BBX: variants seen among roughly 807,000 people sequenced by gnomAD.
BBX encodes the protein BBX high mobility group box domain containing.
In BBX, 30 loss-of-function variants were observed where a neutral mutation model predicts 100.2. The observed-to-expected ratio is 0.30, with a 90% CI of 0.22 to 0.41. BBX has a LOEUF of 0.41. Ranked by LOEUF, BBX falls within the 10% of genes least tolerant of loss-of-function variation. The pLI is 1.00. For synonymous variants in BBX, 376 were observed against 388.1 expected (o/e 0.97, Z 0.37); for missense variants, 1,023 against 1,129.8 (o/e 0.91, Z 1.35).
chr3:107,692,690 T>C, intron 3 of BBX, among the ~76,000 whole-genome samples: 1 of 150,518 alleles, frequency 6.6e-6, no homozygotes, highest in African/African-American at 2.4e-5. Context: ...CAGCATGATT[T>C]ATAATCCTTT....
intron 3 of BBX, among the ~76,000 whole-genome samples, chr3:107,691,824 T>C (rs1227499931): frequency 6.6e-6 from 1 of 152,216 alleles, no homozygotes; most frequent in African/African-American, 2.4e-5. Context: ...AATTCTAGTG[T>C]ACCAAAGTGA....
intron 5 of BBX, among the ~76,000 whole-genome samples, chr3:107,723,783 G>A (rs183489661): frequency 2.6e-5 from 4 of 152,058 alleles, no homozygotes; most frequent in African/African-American, 9.7e-5. Flanking sequence ...GTGTATATGT[G>A]CCACATTTTC....
intron 2 of BBX, among the ~76,000 whole-genome samples, chr3:107,559,706 A>G (rs996497387): frequency 1.3e-5 from 2 of 152,200 alleles, no homozygotes; most frequent in African/African-American, 4.8e-5. Flanking sequence ...CAAGGATGGA[A>G]ATAGTAAGAG....
chr3:107,703,474 AGAGATCT>A (rs1188630609), intron 3 of BBX, among the ~76,000 whole-genome samples: 2 of 152,216 alleles, frequency 1.3e-5, no homozygotes, highest in Non-Finnish European at 2.9e-5. Flanking sequence ...TGCAGGTATT[AGAGATCT>A]TAAAACTACA....
At chr3:107,634,280 C>A (rs938247628) in intron 2 of BBX, among the ~76,000 whole-genome samples, 1 of 152,186 alleles carries the variant, frequency 6.6e-6, no homozygotes, top group Non-Finnish European at 1.5e-5. Context: ...AGTTCTCATG[C>A]TAGAACTTCA....
intron 2 of BBX, among the ~76,000 whole-genome samples, chr3:107,542,592 A>C (rs983186710): frequency 2.0e-5 from 3 of 152,250 alleles, no homozygotes; most frequent in African/African-American, 7.2e-5. Flanking sequence ...GTTTTTAAGC[A>C]GTGATGTAAA....
At chr3:107,611,897 C>T (rs1374304114) in intron 2 of BBX, among the ~76,000 whole-genome samples, 3 of 151,918 alleles carry the variant, frequency 2.0e-5, no homozygotes, top group Non-Finnish European at 4.4e-5. Context: ...CAGATCTTGC[C>T]AGCATGCTTT....
chr3:107,644,095 C>T (rs900191833), intron 2 of BBX, among the ~76,000 whole-genome samples: 8 of 152,072 alleles, frequency 5.3e-5, no homozygotes, highest in African/African-American at 1.7e-4. Flanking sequence ...GTTATCAAGA[C>T]AAAGTGCAAT....
intron 3 of BBX, among the ~76,000 whole-genome samples, chr3:107,649,185 C>T (rs748670216): frequency 3.3e-4 from 51 of 152,246 alleles, no homozygotes; most frequent in Admixed American, 5.9e-4. Context: ...GAAGCAAACC[C>T]ACCCCCATGA....
At chr3:107,529,956 A>G (rs564611368) in intron 2 of BBX, among the ~76,000 whole-genome samples, 31 of 152,336 alleles carry the variant, frequency 2.0e-4, no homozygotes, top group African/African-American at 7.2e-4. Flanking sequence ...TGAGAGAATG[A>G]AAGACTTAAA....
At chr3:107,525,175 G>A (rs1168412304) in intron 1 of BBX, among the ~76,000 whole-genome samples, 2 of 149,268 alleles carry the variant, frequency 1.3e-5, no homozygotes, top group Non-Finnish European at 3.0e-5. Flanking sequence ...TCCCCGCGCG[G>A]CCACCCCGGG....
chr3:107,639,121 T>C (rs913578447), intron 2 of BBX, among the ~76,000 whole-genome samples: 2 of 152,218 alleles, frequency 1.3e-5, no homozygotes, highest in Admixed American at 6.5e-5. Flanking sequence ...TTTAAAATTA[T>C]GTAAATTGAT....
At chr3:107,577,886 T>C (rs2051923393) in intron 2 of BBX, among the ~76,000 whole-genome samples, 1 of 152,080 alleles carries the variant, frequency 6.6e-6, no homozygotes, top group South Asian at 2.1e-4. Context: ...AGGGCTATAT[T>C]AGAAGTACTG....
intron 2 of BBX, among the ~76,000 whole-genome samples, chr3:107,527,129 G>T (rs1388570001): frequency 6.6e-6 from 1 of 152,176 alleles, no homozygotes; most frequent in Non-Finnish European, 1.5e-5. Flanking sequence ...TTTGTGAGAG[G>T]TAACAGTGTG....
At position 107,702,525 on chromosome 3, in the gene BBX, G is replaced by A. The variant is rs183145573; in HGVS notation, c.-9-7927G>A. Among the ~76,000 whole-genome samples the A allele has an allele frequency of 2.5e-4, 38 of 152,252 alleles. 1 individual carries two copies. Among genetic ancestry groups the A allele is most frequent in the Admixed American group, 2.3e-3 (35 of 15,294 alleles). ...GAAAACAGAGAAGTATTGTTTCTAT[G>A]TTCAATTCTCCACATATTCACTGAA... On this transcript the variant is annotated intron_variant, in intron 3 of 17. Transcript: ENST00000325805.
chr3:107,783,094 C>T (rs1417056893), intron 13 of BBX, among the ~76,000 whole-genome samples: 1 of 152,044 alleles, frequency 6.6e-6, no homozygotes, highest in African/African-American at 2.4e-5. Context: ...CTATTTATTA[C>T]AGATTTTGAC....
chr3:107,678,086 T>A (rs889164737), intron 3 of BBX, among the ~76,000 whole-genome samples: 1 of 152,290 alleles, frequency 6.6e-6, no homozygotes, highest in East Asian at 1.9e-4. Context: ...TGTATTTTTT[T>A]AAAGGAATCA....
chr3:107,657,400 C>T (rs1481590043), intron 3 of BBX, among the ~76,000 whole-genome samples: 1 of 152,102 alleles, frequency 6.6e-6, no homozygotes, highest in East Asian at 1.9e-4. Flanking sequence ...ACTATTTAGC[C>T]TCTGTTTTGT....
At chr3:107,628,280 C>T (rs989667775) in intron 2 of BBX, among the ~76,000 whole-genome samples, 2 of 151,500 alleles carry the variant, frequency 1.3e-5, no homozygotes, top group Admixed American at 6.6e-5. Context: ...AGTAGAATTG[C>T]TAATAAGTAA....
Sources: gnomAD v4.1 joint callset for allele counts (sites outside exome capture counted in the v4.1 genomes callset) on GRCh38, gnomAD v4.1.1 for gene constraint, MANE v1.5 for transcripts, NCBI Gene and HGNC (gene_info 2026-07-23, HGNC 2026-07-21) for gene names.